UGGT2: variants seen among roughly 807,000 people sequenced by gnomAD.
The protein encoded by UGGT2 is UDP-glucose glycoprotein glucosyltransferase 2.
A neutral mutation model predicts 192.1 loss-of-function variants in UGGT2; 180 were observed. That is an observed-to-expected ratio of 0.94 (90% confidence interval 0.83 to 1.06). The LOEUF (loss-of-function observed/expected upper bound fraction) is 1.06. Ranked by LOEUF, UGGT2 falls within the 50% of genes least tolerant of loss-of-function variation. The pLI is 0.00. For synonymous variants in UGGT2, 580 were observed against 591.0 expected (o/e 0.98, Z 0.27); for missense variants, 1,849 against 1,795.7 (o/e 1.03, Z -0.54).
chr13:95,884,510 T>A lies in UGGT2; in HGVS notation c.3209A>T (p.Asp1070Val). 1 of 1,611,752 alleles carries A rather than the reference T, an allele frequency of 6.2e-7. No homozygotes were observed. Residue 1070 changes from aspartate (D) to valine (V), a missense_variant, in exon 27 of 39, where the codon GAT becomes GTT. Transcript: ENST00000376747. ...ACTTACATCCTTTAAGTGAATATTA[T>A]CAAGGTCACAGTTGCTGTGCACTGT... is the stretch of plus-strand genomic sequence containing the variant. ...VETVHSNCDL[D>V]NIHLKDTEKT...
chr13:95,868,642 T>C (rs1890907970), intron 29 of UGGT2, among the ~76,000 whole-genome samples: 1 of 152,106 alleles, frequency 6.6e-6, no homozygotes, highest in Non-Finnish European at 1.5e-5. Flanking sequence ...ATCTAACCTG[T>C]ATGGTAGAAA....
chr13:95,925,556 ATTCC>A, intron 20 of UGGT2, 120 bp downstream of exon 20: 1 of 662,732 alleles, frequency 1.5e-6, no homozygotes, highest in Non-Finnish European at 2.3e-6. Context: ...CTAAATCTGA[ATTCC>A]TTCGTCTACT....
chr13:95,936,342 T>A (rs929422247), intron 17 of UGGT2, among the ~76,000 whole-genome samples: 1 of 152,246 alleles, frequency 6.6e-6, no homozygotes, highest in Admixed American at 6.5e-5. Context: ...AGATAGCCCT[T>A]ATGAGTAAAA....
intron 20 of UGGT2, among the ~76,000 whole-genome samples, chr13:95,917,343 G>A (rs1303162006): frequency 3.3e-5 from 5 of 152,048 alleles, no homozygotes; most frequent in Admixed American, 3.3e-4. Context: ...AGCTTCATAA[G>A]TGAAGGAGAA....
intron 36 of UGGT2, among the ~76,000 whole-genome samples, chr13:95,850,450 T>C (rs1432390738): frequency 6.6e-6 from 1 of 152,198 alleles, no homozygotes; most frequent in African/African-American, 2.4e-5. Context: ...CCAGAAAGCA[T>C]TCAACACAGA....
intron 38 of UGGT2, among the ~76,000 whole-genome samples, chr13:95,816,370 T>C (rs1884886592): frequency 6.6e-6 from 1 of 152,136 alleles, no homozygotes; most frequent in African/African-American, 2.4e-5. Flanking sequence ...CTCAGCCTCT[T>C]AGGTTAAATA....
At chr13:96,022,936 T>C (rs1215809763) in intron 4 of UGGT2, 104 bp downstream of exon 4, 12 of 653,964 alleles carry the variant, frequency 1.8e-5, no homozygotes, top group Non-Finnish European at 2.5e-5. Flanking sequence ...TTCTTGAATA[T>C]ACAATGTCTT....
intron 36 of UGGT2, among the ~76,000 whole-genome samples, chr13:95,839,439 G>A (rs1172512780): frequency 6.6e-6 from 1 of 152,112 alleles, no homozygotes; most frequent in Non-Finnish European, 1.5e-5. Flanking sequence ...TGTTGTCAAG[G>A]TCCATCTATG....
chr13:95,854,699 G>A (rs1484686741), intron 34 of UGGT2, among the ~76,000 whole-genome samples: 1 of 152,062 alleles, frequency 6.6e-6, no homozygotes, highest in Non-Finnish European at 1.5e-5. Context: ...TAAGACAGTG[G>A]TCTTACTCAC....
chr13:96,044,996 G>A lies in UGGT2; in HGVS notation c.158+8159C>T, dbSNP rs116737167. Reference sequence around the variant, plus strand: ...AATCCTCCTGAAATCATTCTATGAAGCCAGTATCATCCGAATACCAAAACC... The same window carrying A: ...AATCCTCCTGAAATCATTCTATGAAACCAGTATCATCCGAATACCAAAACC... On this transcript the variant is annotated intron_variant, in intron 1 of 38. Transcript: ENST00000376747. Among the ~76,000 whole-genome samples the A allele has an allele frequency of 9.3e-3, 1,412 of 152,182 alleles. 26 individuals are homozygous for A. The highest frequency in any genetic ancestry group is 0.033 in the African/African-American group (1,354 of 41,520).
At chr13:95,867,555 T>C in intron 29 of UGGT2, 132 bp from the exon 30 acceptor site, 2 of 622,140 alleles carry the variant, frequency 3.2e-6, no homozygotes, top group Non-Finnish European at 5.3e-6. Context: ...TTTTTCTGTT[T>C]CTATAGTCAA....
intron 12 of UGGT2, among the ~76,000 whole-genome samples, chr13:95,962,053 A>G (rs571712917): frequency 6.6e-6 from 1 of 152,318 alleles, no homozygotes; most frequent in East Asian, 1.9e-4. Flanking sequence ...ATGTAAACAC[A>G]ACATACTAAA....
At chr13:95,954,379 G>A (rs1165269430) in intron 12 of UGGT2, among the ~76,000 whole-genome samples, 3 of 152,258 alleles carry the variant, frequency 2.0e-5, no homozygotes, top group African/African-American at 7.2e-5. Flanking sequence ...GAGTCAGACA[G>A]GCCTCATTAT....
intron 15 of UGGT2, among the ~76,000 whole-genome samples, chr13:95,945,850 T>C (rs1040668857): frequency 6.6e-6 from 1 of 152,152 alleles, no homozygotes; most frequent in African/African-American, 2.4e-5. Context: ...GAAGTGTAGT[T>C]TCTATACTCT....
chr13:96,018,327 G>A (rs944961829), intron 4 of UGGT2, among the ~76,000 whole-genome samples: 1 of 152,002 alleles, frequency 6.6e-6, no homozygotes, highest in African/African-American at 2.4e-5. Context: ...TCCAGCCTGG[G>A]CAACATAGCA....
At chr13:96,051,850 C>T (rs1223988377) in intron 1 of UGGT2, among the ~76,000 whole-genome samples, 1 of 152,072 alleles carries the variant, frequency 6.6e-6, no homozygotes, top group African/African-American at 2.4e-5. Context: ...GTGGATGCAG[C>T]GAACAGGGAA....
At position 95,835,751 on chromosome 13, in the gene UGGT2, T is replaced by C. The variant is rs150069805; in HGVS notation, c.4401+1335A>G. ...TAGGAAAAAAACTTATTATACCTAC[T>C]AAAGACAAGGTAGTAGTGGAATATA... On this transcript the variant is annotated intron_variant, in intron 37 of 38. Coordinates refer to ENST00000376747, the MANE Select transcript of UGGT2 (RefSeq NM_020121.4). Among the ~76,000 whole-genome samples, 1,083 of 152,294 alleles carry C rather than the reference T, an allele frequency of 7.1e-3. 17 individuals are homozygous for C. The highest frequency in any genetic ancestry group is 0.025 in the African/African-American group (1,019 of 41,550).
chr13:95,996,791 T>C (rs746574589), intron 6 of UGGT2, among the ~76,000 whole-genome samples: 9 of 152,330 alleles, frequency 5.9e-5, no homozygotes, highest in South Asian at 2.1e-4. Context: ...TAAGTTTAAA[T>C]ATGAGTTCCT....
In UGGT2 at chr13:95,972,600, C is replaced by T; in HGVS notation, c.1164G>A (p.Met388Ile). The change falls in exon 11 of 39, where the codon ATG becomes ATA. Residue 388 changes from methionine (M) to isoleucine (I), a missense_variant. Transcript: ENST00000376747. ...RLFINGLRVD[M>I]DVYDAFSILD... ...CTTACCTAAAAGCGTCATAAACATC[C>T]ATATCAACACGAAGGCCATTTATAA... 6.2e-7 allele frequency: 1 copy of T among 1,613,242 alleles called. No homozygotes were observed. Among genetic ancestry groups the T allele is most frequent in the East Asian group, 2.2e-5 (1 of 44,800 alleles).
Sources: gnomAD v4.1 joint callset for allele counts (sites outside exome capture counted in the v4.1 genomes callset) on GRCh38, gnomAD v4.1.1 for gene constraint, MANE v1.5 for transcripts, NCBI Gene and HGNC (gene_info 2026-07-23, HGNC 2026-07-21) for gene names.